Variants in HYDIN observed in about 807,000 individuals in gnomAD.
HYDIN encodes the protein axonemal central pair apparatus protein HYDIN.
Under a neutral mutation model 403.9 loss-of-function variants are expected in HYDIN, and 132 were observed. The ratio of observed to expected loss-of-function variants is 0.33; its 90% confidence interval spans 0.28 to 0.38. The LOEUF is 0.38. HYDIN is among the 10% of genes least tolerant of loss of function. HYDIN has a pLI of 1.00. For missense variants in HYDIN, 2,827 were observed against 5,009.5 expected (o/e 0.56, Z 13.15); for synonymous variants, 1,202 against 1,891.7 (o/e 0.64, Z 9.46).
Position 70,802,540 on chromosome 16 carries a change from G to A in HYDIN, c.*5040C>T, listed in dbSNP as rs2034927070. The A allele has an allele frequency of 6.6e-6, 1 of 152,180 alleles. No individual in the cohort carries two copies. The highest frequency in any genetic ancestry group is 2.4e-5 in the African/African-American group (1 of 41,426). 9.4% of individuals were successfully genotyped at this position (152,180 alleles called of 1,614,324 possible). On this transcript the variant is annotated 3_prime_UTR_variant, in exon 86 of 86. Transcript: ENST00000393567. Reference sequence around the variant, plus strand: ...GAATGAATTTTGCCAACACATTGAGGGTCCTTGGAAGCAGATCTTTCCCTA... The same window carrying A: ...GAATGAATTTTGCCAACACATTGAGAGTCCTTGGAAGCAGATCTTTCCCTA...
At chr16:70,902,821 A>ATATATATATTTTTTTTTTTTTT in intron 52 of HYDIN, among the ~76,000 whole-genome samples, 11 of 47,256 alleles carry the variant, frequency 2.3e-4, no homozygotes, top group Non-Finnish European at 3.3e-4. Context: ...ATATATATAT[A>ATATATATATTTTTTTTTTTTTT]TTTTTTTTTT....
chr16:70,961,484 C>A lies in HYDIN; in HGVS notation c.5968+475G>T, dbSNP rs1043420312. Among the ~76,000 whole-genome samples, 4 of 152,168 alleles carry A rather than the reference C, an allele frequency of 2.6e-5. No homozygotes were observed. The South Asian group carries it at 8.3e-4, about 32-fold the overall frequency. Reference sequence around the variant, plus strand: ...ATGACCAGCAAATGGCCCCCATGAACCCAGTTTCACTGAATCTAATTTTCT... The same window carrying A: ...ATGACCAGCAAATGGCCCCCATGAAACCAGTTTCACTGAATCTAATTTTCT... On this transcript the variant is annotated intron_variant, in intron 38 of 85. Transcript: ENST00000393567.
chr16:70,807,502 T>C lies in HYDIN; in HGVS notation c.*78A>G, dbSNP rs897204714. The C allele has an allele frequency of 6.9e-6, 10 of 1,456,118 alleles. 1 individual carries two copies. The Admixed American group carries it at 2.0e-4, about 30-fold the overall frequency. The allele number at this position is 1,456,118 out of a possible 1,614,324, so 90.2% of individuals were successfully genotyped here. On this transcript the variant is annotated 3_prime_UTR_variant, in exon 86 of 86. Transcript: ENST00000393567. The stretch of plus-strand genomic sequence containing the variant: ...AAGAATAAAAACAGTTCCTTTAGAA[T>C]TCTTATTGTTTTCTCTATTCTTTTT...
At chr16:71,219,531 C>A (rs1056375805) in intron 1 of HYDIN, among the ~76,000 whole-genome samples, 6 of 152,094 alleles carry the variant, frequency 3.9e-5, no homozygotes, top group African/African-American at 1.4e-4. Context: ...ATAGGATATG[C>A]TGGTTTATTT....
intron 23 of HYDIN, among the ~76,000 whole-genome samples, chr16:71,011,336 G>A (rs1194472888): frequency 6.6e-6 from 1 of 152,172 alleles, no homozygotes; most frequent in East Asian, 1.9e-4. Flanking sequence ...GGAGCACAGC[G>A]CTTGGATTCT....
intron 46 of HYDIN, among the ~76,000 whole-genome samples, chr16:70,919,431 C>T (rs2076931712): frequency 6.6e-6 from 1 of 151,980 alleles, no homozygotes. Context: ...TCCTTCCCGC[C>T]TGTGGTGCCA....
chr16:71,159,927 T>A (rs1319424103), intron 6 of HYDIN, among the ~76,000 whole-genome samples: 4 of 143,308 alleles, frequency 2.8e-5, no homozygotes, highest in African/African-American at 1.1e-4. Context: ...AAGGTAGTTT[T>A]AAGCCAGGAG....
At chr16:71,157,160 C>G (rs542743202) in intron 6 of HYDIN, among the ~76,000 whole-genome samples, 1 of 151,602 alleles carries the variant, frequency 6.6e-6, no homozygotes, top group Admixed American at 6.6e-5. Flanking sequence ...AGCTCACATT[C>G]GAATAAGGGT....
chr16:71,110,912 C>T (rs2083806598), intron 10 of HYDIN, among the ~76,000 whole-genome samples: 1 of 98,430 alleles, frequency 1.0e-5, no homozygotes, highest in South Asian at 4.2e-4. Context: ...ACACAGCAGC[C>T]ATACTTTCCT....
At chr16:71,183,552 G>T (rs2086996063) in intron 3 of HYDIN, among the ~76,000 whole-genome samples, 1 of 152,086 alleles carries the variant, frequency 6.6e-6, no homozygotes, top group African/African-American at 2.4e-5. Context: ...GAGAAATCAG[G>T]CTGGCTTCCG....
Position 70,882,841 on chromosome 16 carries a change from C to T in HYDIN, c.10034G>A (p.Ser3345Asn), listed in dbSNP as rs374439323. Residue 3345 changes from serine to asparagine, a missense_variant, in exon 60 of 86, where the codon AGT (serine) becomes AAT (asparagine). Transcript: ENST00000393567. ...CTGCAGGATGTGGTGCAGGTTGGCACTGGTACATATCTGGTGCTCTTCAAA... is the reference window on the plus strand; with the variant it reads ...CTGCAGGATGTGGTGCAGGTTGGCATTGGTACATATCTGGTGCTCTTCAAA... ...LIFEEHQICT[S>N]ANLHHILQTI... The T allele has an allele frequency of 6.4e-7, 1 of 1,551,382 alleles. No homozygotes were observed.
At chr16:71,199,388 C>T (rs940133585) in intron 1 of HYDIN, among the ~76,000 whole-genome samples, 5 of 152,188 alleles carry the variant, frequency 3.3e-5, no homozygotes, top group African/African-American at 1.2e-4. Context: ...GTTCACTAGG[C>T]TCCCTCTATC....
At chr16:71,038,613 A>C (rs1272314241) in intron 18 of HYDIN, among the ~76,000 whole-genome samples, 7 of 152,264 alleles carry the variant, frequency 4.6e-5, no homozygotes, top group African/African-American at 1.4e-4. Flanking sequence ...GATGACCGGC[A>C]CTATGTGGAA....
At chr16:71,058,771 T>A (rs1425888939) in intron 18 of HYDIN, among the ~76,000 whole-genome samples, 1 of 152,040 alleles carries the variant, frequency 6.6e-6, no homozygotes, top group Non-Finnish European at 1.5e-5. Flanking sequence ...ACAACATGAG[T>A]TTGAACGGCA....
intron 53 of HYDIN, among the ~76,000 whole-genome samples, chr16:70,896,299 CTTT>C (rs2076201418): frequency 1.3e-5 from 2 of 151,508 alleles, no homozygotes; most frequent in African/African-American, 4.9e-5. Context: ...AAGGGACTGA[CTTT>C]TTTATTGTTG....
chr16:70,953,492 G>T (rs1331558841), intron 40 of HYDIN, among the ~76,000 whole-genome samples: 1 of 152,052 alleles, frequency 6.6e-6, no homozygotes. Flanking sequence ...AAGGCTCTGG[G>T]GCCCTTTCCT....
At chr16:71,099,923 AG>A (rs1409746410) in intron 10 of HYDIN, among the ~76,000 whole-genome samples, 2 of 152,198 alleles carry the variant, frequency 1.3e-5, no homozygotes, top group Non-Finnish European at 2.9e-5. Context: ...GGATCACTTG[AG>A]CCCAGGAGTT....
At chr16:71,199,675 C>A (rs550536812) in intron 1 of HYDIN, among the ~76,000 whole-genome samples, 1 of 152,266 alleles carries the variant, frequency 6.6e-6, no homozygotes, top group African/African-American at 2.4e-5. Flanking sequence ...GCCTGAATTA[C>A]CTAGCCTACC....
chr16:70,820,081 A>G (rs1166919149), intron 83 of HYDIN, among the ~76,000 whole-genome samples: 1 of 148,404 alleles, frequency 6.7e-6, no homozygotes, highest in African/African-American at 2.5e-5. Flanking sequence ...CGGCCTCCCA[A>G]AGTGCTGAGT....
Sources: allele counts gnomAD v4.1 joint callset (sites outside exome capture counted in the v4.1 genomes callset), GRCh38; gene constraint gnomAD v4.1.1; transcripts MANE v1.5; gene names NCBI Gene and HGNC (gene_info 2026-07-23, HGNC 2026-07-21).